Variants in AMBP observed in about 807,000 individuals in gnomAD.
The protein encoded by AMBP is protein AMBP.
Under a neutral mutation model 46.3 loss-of-function variants are expected in AMBP, and 37 were observed. That is an observed-to-expected ratio of 0.80 (90% CI 0.61 to 1.05). The LOEUF (loss-of-function observed/expected upper bound fraction) is 1.05. AMBP is among the 50% of genes least tolerant of loss of function. The pLI, the probability that AMBP is intolerant of heterozygous loss-of-function variation, is 0.00. For missense variants in AMBP, 475 were observed against 461.2 expected (o/e 1.03, Z -0.27); for synonymous variants, 174 against 175.9 (o/e 0.99, Z 0.09).
At chr9:114,064,572 A>G (rs1846674189) in intron 6 of AMBP, among the ~76,000 whole-genome samples, 1 of 152,172 alleles carries the variant, frequency 6.6e-6, no homozygotes, top group Non-Finnish European at 1.5e-5. Flanking sequence ...CTTGACATTG[A>G]TAAAGAAATA....
At chr9:114,073,107 T>A (rs1366048362) in intron 4 of AMBP, 81 bp from the exon 5 acceptor site, 1 of 1,302,168 alleles carries the variant, frequency 7.7e-7, no homozygotes, top group Non-Finnish European at 1.1e-6. Context: ...TGCCCAGTGA[T>A]TTTCACTTAG....
chr9:114,069,644 TG>T, intron 6 of AMBP, 54 bp downstream of exon 6: 3 of 1,262,458 alleles, frequency 2.4e-6, no homozygotes, highest in Non-Finnish European at 2.1e-6. Flanking sequence ...GCAGCGTGCC[TG>T]GGGCAGAGTG....
chr9:114,071,937 C>A (rs977926060), intron 5 of AMBP, among the ~76,000 whole-genome samples: 7 of 152,216 alleles, frequency 4.6e-5, no homozygotes, highest in Admixed American at 6.5e-5. Flanking sequence ...CAGAAAGGAG[C>A]TGCCCACTGC....
In AMBP at chr9:114,074,193, A is replaced by AGTCC. The variant is rs1179810554; in HGVS notation, c.338-42_338-41insGGAC. On this transcript the variant is annotated intron_variant, in intron 3 of 9. Transcript: ENST00000265132. Reference sequence around the variant, plus strand: ...AGGCAGACCAAAGGGATCAGTGGTCAGTAGACTCTTCTAGCTGGAGGTCCG... The same window carrying AGTCC: ...AGGCAGACCAAAGGGATCAGTGGTCAGTCCGTAGACTCTTCTAGCTGGAGGTCCG... 4 of 1,530,484 alleles carry AGTCC rather than the reference A, an allele frequency of 2.6e-6. No homozygotes were observed. In the African/African-American group the frequency reaches 5.5e-5, roughly 21 times the overall value. The allele number at this position is 1,530,484 out of a possible 1,614,324, so 94.8% of individuals were successfully genotyped here.
intron 5 of AMBP, among the ~76,000 whole-genome samples, chr9:114,072,257 A>G (rs957815416): frequency 4.6e-5 from 7 of 152,144 alleles, no homozygotes; most frequent in South Asian, 4.2e-4. Flanking sequence ...GCACCACTCC[A>G]TTCCCTGGCG....
chr9:114,073,650 C>T (rs926587282), intron 4 of AMBP, among the ~76,000 whole-genome samples: 1 of 152,036 alleles, frequency 6.6e-6, no homozygotes, highest in African/African-American at 2.4e-5. Flanking sequence ...AGCACACATG[C>T]ACTATGCCCA....
At chr9:114,061,187 T>C in intron 8 of AMBP, 89 bp from the exon 9 acceptor site, 1 of 1,504,680 alleles carries the variant, frequency 6.6e-7, no homozygotes, top group Non-Finnish European at 9.0e-7. Context: ...AGGGCCCTGC[T>C]CATCTAGAAC....
At chr9:114,065,054 G>A (rs148672251) in intron 6 of AMBP, among the ~76,000 whole-genome samples, 41 of 152,240 alleles carry the variant, frequency 2.7e-4, no homozygotes, top group Middle Eastern at 3.4e-3. Flanking sequence ...ACATGTTGTC[G>A]TAGGATGGAT....
At chr9:114,064,700 C>T (rs1249422286) in intron 6 of AMBP, among the ~76,000 whole-genome samples, 1 of 152,018 alleles carries the variant, frequency 6.6e-6, no homozygotes, top group Non-Finnish European at 1.5e-5. Flanking sequence ...GCCCCAGCCC[C>T]CAAATTGTCA....
At chr9:114,076,974 T>G (rs1462282921) in intron 1 of AMBP, among the ~76,000 whole-genome samples, 1 of 152,086 alleles carries the variant, frequency 6.6e-6, no homozygotes, top group East Asian at 1.9e-4. Context: ...GAAGCAGGTG[T>G]GCGGCTGGGG....
Position 114,074,945 on chromosome 9 carries a change from T to C in AMBP, c.337+15A>G, listed in dbSNP as rs766254179. 1.2e-6 allele frequency: 2 copies of C among 1,611,012 alleles called. No homozygotes were observed. Among genetic ancestry groups the C allele is most frequent in the Non-Finnish European group, 1.7e-6 (2 of 1,177,210 alleles). ...CAAAGGAGAGAATGCATGTGTCTCT[T>C]TCCACTCCACTTACTGGATTTGTGA... On this transcript the variant is annotated intron_variant, in intron 3 of 9. Transcript: ENST00000265132.
At chr9:114,061,401 CAG>C (rs749004613) in intron 8 of AMBP, 21 bp downstream of exon 8, 12 of 1,613,850 alleles carry the variant, frequency 7.4e-6, no homozygotes, top group Admixed American at 3.3e-5. Flanking sequence ...GCAGAGCGCA[CAG>C]GGGTGGGGAC....
At position 114,061,018 on chromosome 9, in the gene AMBP, A is replaced by C; in HGVS notation, c.934T>G (p.Cys312Gly). Residue 312 changes from cysteine to glycine, a missense_variant, in exon 9 of 10, where the codon TGC becomes GGC. By Grantham distance (159) the Cys-to-Gly change is radical. Transcript: ENST00000265132. The part of the protein sequence containing the change: ...LWAFDAVKGK[C>G]VLFPYGGCQG... ...CAGCCCCCGTAGGGGAAGAGGACGCACTTCCCCTTGACAGCATCAAATGCC... is the reference window on the plus strand; with the variant it reads ...CAGCCCCCGTAGGGGAAGAGGACGCCCTTCCCCTTGACAGCATCAAATGCC... The C allele has an allele frequency of 6.2e-7, 1 of 1,614,230 alleles. No individual in the cohort carries two copies. Among genetic ancestry groups the C allele is most frequent in the Non-Finnish European group, 8.5e-7 (1 of 1,180,034 alleles).
At chr9:114,061,119 TG>T in intron 8 of AMBP, 21 bp from the exon 9 acceptor site, 1 of 1,612,016 alleles carries the variant, frequency 6.2e-7, no homozygotes, top group South Asian at 1.1e-5. Flanking sequence ...GAGAGAGGCA[TG>T]GAACTTGAGA....
At chr9:114,060,904 G>T in intron 9 of AMBP, 21 bp downstream of exon 9, 1 of 1,607,736 alleles carries the variant, frequency 6.2e-7, no homozygotes, top group African/African-American at 1.3e-5. Flanking sequence ...GCCCAGCCTG[G>T]CACCCTGCAG....
At chr9:114,076,435 C>T (rs368858120) in intron 2 of AMBP, among the ~76,000 whole-genome samples, 163 bp downstream of exon 2, 6 of 152,048 alleles carry the variant, frequency 3.9e-5, no homozygotes, top group African/African-American at 1.2e-4. Flanking sequence ...AGATAGGACA[C>T]CTGAAAAGGG....
At chr9:114,075,138 G>GT (rs371362248) in intron 2 of AMBP, 102 bp from the exon 3 acceptor site, 14 of 876,968 alleles carry the variant, frequency 1.6e-5, no homozygotes, top group South Asian at 6.5e-5. Flanking sequence ...TGGTTTTGGG[G>GT]TTTTTTTGTT....
chr9:114,072,699 C>G (rs557571014), intron 5 of AMBP, among the ~76,000 whole-genome samples: 1 of 152,360 alleles, frequency 6.6e-6, no homozygotes, highest in Non-Finnish European at 1.5e-5. Flanking sequence ...CCCTGAGACA[C>G]ATGGCAGTAG....
chr9:114,068,496 C>G (rs984150663), intron 6 of AMBP, among the ~76,000 whole-genome samples: 6 of 151,800 alleles, frequency 4.0e-5, no homozygotes, highest in Admixed American at 6.6e-5. Flanking sequence ...ATCCCAGCTA[C>G]TCAGGAGGCT....
Sources: gnomAD v4.1 joint callset for allele counts (sites outside exome capture counted in the v4.1 genomes callset) on GRCh38, gnomAD v4.1.1 for gene constraint, MANE v1.5 for transcripts, NCBI Gene and HGNC (gene_info 2026-07-23, HGNC 2026-07-21) for gene names.